Variants in CDH4 observed in about 807,000 individuals in gnomAD.
CDH4 encodes cadherin-4.
Under a neutral mutation model 86.0 loss-of-function variants are expected in CDH4, and 33 were observed. That is an observed-to-expected ratio of 0.38 (90% CI 0.29 to 0.51). The LOEUF (loss-of-function observed/expected upper bound fraction) is 0.51. Among genes scored for constraint, CDH4 ranks in the 20% least tolerant of loss-of-function variants. CDH4 has a pLI of 0.86. For missense variants in CDH4, 1,114 were observed against 1,307.4 expected (o/e 0.85, Z 2.28); for synonymous variants, 555 against 549.4 (o/e 1.01, Z -0.14).
intron 2 of CDH4, among the ~76,000 whole-genome samples, chr20:61,385,683 TGGCTGTAGCTTCTCCACACGC>T (rs2084947189): frequency 2.6e-5 from 4 of 152,166 alleles, no homozygotes; most frequent in Non-Finnish European, 4.4e-5. Context: ...GTATCCAGGC[TGGCTGTAGCTTCTCCACACGC>T]CAGGTTCCCA....
At chr20:61,306,526 T>C (rs971813527) in intron 2 of CDH4, among the ~76,000 whole-genome samples, 2 of 152,010 alleles carry the variant, frequency 1.3e-5, no homozygotes, top group Admixed American at 1.3e-4. Flanking sequence ...TTAGTAGAGA[T>C]GGGGTTTACC....
In CDH4 at chr20:61,298,237, C is replaced by T. The variant is rs141325119; in HGVS notation, c.169+43300C>T. Among the ~76,000 whole-genome samples, 293 of 152,222 alleles carry T rather than the reference C, an allele frequency of 1.9e-3. 7 individuals carry two copies. In the East Asian group the frequency reaches 0.052, roughly 27 times the overall value. On this transcript the variant is annotated intron_variant, in intron 2 of 15. Coordinates refer to ENST00000614565, the MANE Select transcript of CDH4 (RefSeq NM_001794.5). Reference sequence around the variant, plus strand: ...ACCAGCACGATGACTCAGTCCTGACCGCTATAAGCATCCCGGCCACCAGCT... The same window carrying T: ...ACCAGCACGATGACTCAGTCCTGACTGCTATAAGCATCCCGGCCACCAGCT...
At chr20:61,624,281 T>A (rs1368689442) in intron 2 of CDH4, among the ~76,000 whole-genome samples, 1 of 152,148 alleles carries the variant, frequency 6.6e-6, no homozygotes, top group Non-Finnish European at 1.5e-5. Flanking sequence ...TCTAAATAAG[T>A]CCCACAATTT....
At chr20:61,311,197 CCACACCCACA>C (rs1457597371) in intron 2 of CDH4, among the ~76,000 whole-genome samples, 1 of 152,034 alleles carries the variant, frequency 6.6e-6, no homozygotes, top group Non-Finnish European at 1.5e-5. Context: ...AAACACACAC[CCACACCCACA>C]CACACCCACA....
chr20:61,548,609 A>G (rs79389233), intron 2 of CDH4, among the ~76,000 whole-genome samples: 2,611 of 152,346 alleles, frequency 0.017, 67 homozygotes, highest in African/African-American at 0.059. Context: ...AAGCATGTTT[A>G]TACAAACTTA....
chr20:61,929,910 TGGGCAGAGG>T (rs756327928), intron 13 of CDH4, 68 bp downstream of exon 13: 821 of 1,297,344 alleles, frequency 6.3e-4, no homozygotes, highest in Non-Finnish European at 8.6e-4. Context: ...CCAGGCATGG[TGGGCAGAGG>T]GGGGCCTGGA....
intron 4 of CDH4, among the ~76,000 whole-genome samples, chr20:61,798,805 G>A (rs1419366136): frequency 1.3e-5 from 2 of 152,232 alleles, no homozygotes; most frequent in African/African-American, 4.8e-5. Context: ...CAGGATGGCG[G>A]CTGTGTGTCC....
intron 2 of CDH4, among the ~76,000 whole-genome samples, chr20:61,356,658 G>A (rs906300419): frequency 6.6e-6 from 1 of 152,126 alleles, no homozygotes; most frequent in African/African-American, 2.4e-5. Flanking sequence ...ATTTTAATTA[G>A]GATTGTAACA....
At chr20:61,744,804 C>G (rs753390823) in intron 3 of CDH4, among the ~76,000 whole-genome samples, 5 of 152,202 alleles carry the variant, frequency 3.3e-5, no homozygotes, top group African/African-American at 9.7e-5. Flanking sequence ...CTGCGTTCAT[C>G]CCCAGTTCTA....
At chr20:61,874,255 C>T (rs1983926163) in intron 7 of CDH4, among the ~76,000 whole-genome samples, 1 of 152,148 alleles carries the variant, frequency 6.6e-6, no homozygotes, top group Non-Finnish European at 1.5e-5. Context: ...AACACACACG[C>T]CTGCCTTGAA....
intron 2 of CDH4, among the ~76,000 whole-genome samples, chr20:61,364,128 T>G (rs3935481): frequency 0.84 from 127,550 of 152,170 alleles, 53,833 homozygotes; most frequent in African/African-American, 0.94. Context: ...CCTGGCACCT[T>G]GTCCAGCAGA....
chr20:61,758,917 G>A (rs2088598434), intron 3 of CDH4, among the ~76,000 whole-genome samples: 1 of 152,192 alleles, frequency 6.6e-6, no homozygotes, highest in South Asian at 2.1e-4. Flanking sequence ...GCTGGTGTGT[G>A]TGTGCACCTG....
intron 2 of CDH4, among the ~76,000 whole-genome samples, chr20:61,547,092 A>G (rs1202436802): frequency 2.6e-5 from 4 of 151,318 alleles, no homozygotes; most frequent in African/African-American, 9.7e-5. Flanking sequence ...CTCACTTACC[A>G]TAGTGGGCCA....
At chr20:61,305,049 C>T (rs6028096) in intron 2 of CDH4, among the ~76,000 whole-genome samples, 26,060 of 150,850 alleles carry the variant, frequency 0.17, 2,309 homozygotes, top group African/African-American at 0.2. Context: ...GTGTTCTGTG[C>T]GTGTGTTGTG....
At chr20:61,554,750 T>C (rs1366844111) in intron 2 of CDH4, among the ~76,000 whole-genome samples, 1 of 152,274 alleles carries the variant, frequency 6.6e-6, no homozygotes, top group African/African-American at 2.4e-5. Context: ...TGTACATGCA[T>C]GAACATATAT....
chr20:61,786,695 T>C (rs1340893702), intron 4 of CDH4, among the ~76,000 whole-genome samples: 1 of 152,240 alleles, frequency 6.6e-6, no homozygotes, highest in Non-Finnish European at 1.5e-5. Flanking sequence ...TTTTCATCAT[T>C]AATTGAATAT....
chr20:61,729,850 T>A (rs1194626677), intron 2 of CDH4, among the ~76,000 whole-genome samples: 2 of 152,222 alleles, frequency 1.3e-5, no homozygotes, highest in Non-Finnish European at 2.9e-5. Context: ...GCAAGTTTAA[T>A]ATTTCCTGCC....
At chr20:61,522,077 A>AT (rs946543142) in intron 2 of CDH4, among the ~76,000 whole-genome samples, 5 of 152,188 alleles carry the variant, frequency 3.3e-5, no homozygotes, top group Non-Finnish European at 5.9e-5. Context: ...GCTCTCAGAG[A>AT]TTCGCAGGCC....
intron 2 of CDH4, among the ~76,000 whole-genome samples, chr20:61,652,310 G>A (rs2087129867): frequency 6.6e-6 from 1 of 151,542 alleles, no homozygotes; most frequent in Admixed American, 6.6e-5. Context: ...TATGTATGTG[G>A]TTTCGCTTAT....
Sources: gnomAD v4.1 joint callset for allele counts (sites outside exome capture counted in the v4.1 genomes callset) on GRCh38, gnomAD v4.1.1 for gene constraint, MANE v1.5 for transcripts, NCBI Gene and HGNC (gene_info 2026-07-23, HGNC 2026-07-21) for gene names.